SPAG16: variants seen among roughly 807,000 people sequenced by gnomAD.
SPAG16 encodes the protein sperm-associated antigen 16 protein.
Under a neutral mutation model 80.4 loss-of-function variants are expected in SPAG16, and 86 were observed. That is an observed-to-expected ratio of 1.07 (90% CI 0.90 to 1.28). SPAG16 has a LOEUF of 1.28. Ranked by LOEUF, SPAG16 falls within the 50% of genes most tolerant of loss-of-function variation. The pLI, the probability that SPAG16 is intolerant of heterozygous loss-of-function variation, is 0.00. For synonymous variants in SPAG16, 294 were observed against 265.9 expected (o/e 1.11, Z -1.03); for missense variants, 870 against 765.3 (o/e 1.14, Z -1.61).
intron 14 of SPAG16, among the ~76,000 whole-genome samples, chr2:214,117,613 A>G (rs2054001076): frequency 6.6e-6 from 1 of 152,214 alleles, no homozygotes. Flanking sequence ...TCAAGAAAAC[A>G]CTAGCAAACC....
At chr2:213,391,574 G>A (rs1363659963) in intron 9 of SPAG16, among the ~76,000 whole-genome samples, 2 of 152,036 alleles carry the variant, frequency 1.3e-5, no homozygotes, top group Middle Eastern at 3.2e-3. Context: ...AGGGTTTTTT[G>A]TTAGTATTCA....
chr2:213,468,457 ATATCTC>A (rs1262828716), intron 9 of SPAG16, among the ~76,000 whole-genome samples: 10 of 125,674 alleles, frequency 8.0e-5, no homozygotes, highest in African/African-American at 4.2e-4. Context: ...ATAGATATAT[ATATCTC>A]TATGTATTTA....
At chr2:213,706,643 C>T (rs1210344372) in intron 10 of SPAG16, among the ~76,000 whole-genome samples, 1 of 152,166 alleles carries the variant, frequency 6.6e-6, no homozygotes, top group Admixed American at 6.5e-5. Context: ...CACGGCACTC[C>T]CTATTTAAAA....
intron 10 of SPAG16, among the ~76,000 whole-genome samples, chr2:213,699,157 C>T (rs1409456447): frequency 6.6e-6 from 1 of 152,114 alleles, no homozygotes; most frequent in East Asian, 1.9e-4. Context: ...TTTTCTGCTT[C>T]ACCTTTCCTA....
At chr2:214,315,525 A>G (rs1695624966) in intron 15 of SPAG16, among the ~76,000 whole-genome samples, 1 of 150,044 alleles carries the variant, frequency 6.7e-6, no homozygotes, top group East Asian at 2.0e-4. Flanking sequence ...TTATTTATTT[A>G]TTTATTTATT....
intron 15 of SPAG16, among the ~76,000 whole-genome samples, chr2:214,234,901 C>T (rs1276282764): frequency 1.3e-5 from 2 of 152,036 alleles, no homozygotes; most frequent in Non-Finnish European, 2.9e-5. Context: ...TTTTTTATTT[C>T]TTAATTCCCT....
At chr2:214,363,492 T>G (rs2126074146) in intron 15 of SPAG16, among the ~76,000 whole-genome samples, 1 of 152,172 alleles carries the variant, frequency 6.6e-6, no homozygotes, top group African/African-American at 2.4e-5. Context: ...GGACCCACAT[T>G]TCCGTTTACC....
In SPAG16 at chr2:213,333,682, A is replaced by G. The variant is rs570125817; in HGVS notation, c.537-6481A>G. 9.9e-5 allele frequency among the ~76,000 whole-genome samples: 15 copies of G among 152,258 alleles called. No homozygotes were observed. In the South Asian group the frequency reaches 3.1e-3, roughly 32 times the overall value. ...ATAGACCAATGGAACAGAATAGAGA[A>G]CCAGAAACAAAACCACATACCTACA... On this transcript the variant is annotated intron_variant, in intron 5 of 15. Coordinates refer to ENST00000331683, the MANE Select transcript of SPAG16 (RefSeq NM_024532.5).
At chr2:213,385,318 C>T (rs4673742) in intron 9 of SPAG16, among the ~76,000 whole-genome samples, 148,366 of 152,262 alleles carry the variant, frequency 0.97, 72,396 homozygotes, top group East Asian at 1. Flanking sequence ...CCTAGCTTCA[C>T]ATAAATACCA....
chr2:214,100,955 T>G (rs562103573), intron 13 of SPAG16, among the ~76,000 whole-genome samples: 1 of 152,214 alleles, frequency 6.6e-6, no homozygotes, highest in African/African-American at 2.4e-5. Context: ...TCTTAAAATT[T>G]TTTCAAAAGA....
intron 9 of SPAG16, among the ~76,000 whole-genome samples, chr2:213,468,738 CCTA>C (rs1256361877): frequency 6.8e-6 from 1 of 147,870 alleles, no homozygotes; most frequent in Non-Finnish European, 1.5e-5. Context: ...ATATATATCT[CCTA>C]CATATATATC....
chr2:213,390,377 G>T (rs1447214429), intron 9 of SPAG16, among the ~76,000 whole-genome samples: 1 of 152,064 alleles, frequency 6.6e-6, no homozygotes, highest in Non-Finnish European at 1.5e-5. Flanking sequence ...TTGGTTTTAT[G>T]TTATGCCATT....
intron 10 of SPAG16, among the ~76,000 whole-genome samples, chr2:213,665,504 C>A (rs7602331): frequency 0.41 from 62,728 of 151,848 alleles, 13,872 homozygotes; most frequent in African/African-American, 0.56. Context: ...TTGCAAATTT[C>A]AAATTTCTAC....
At chr2:214,249,030 G>C (rs965066757) in intron 15 of SPAG16, among the ~76,000 whole-genome samples, 2 of 152,080 alleles carry the variant, frequency 1.3e-5, no homozygotes, top group African/African-American at 2.4e-5. Flanking sequence ...GGAAATGATA[G>C]GTAAGTATTT....
rs1175501175 is a variant in SPAG16 at position 213,352,671 on chromosome 2, T to C, written c.762+2026T>C. 3.9e-5 allele frequency among the ~76,000 whole-genome samples: 6 copies of C among 152,220 alleles called. No homozygotes were observed. The East Asian group carries it at 7.7e-4, about 20-fold the overall frequency. On this transcript the variant is annotated intron_variant, in intron 7 of 15. Coordinates refer to ENST00000331683, the MANE Select transcript of SPAG16 (RefSeq NM_024532.5). ...TTTTTACTCACTTATTAAATAGGGA[T>C]AAATTATTTGCCTTATGATTGATAT...
intron 9 of SPAG16, among the ~76,000 whole-genome samples, chr2:213,448,204 G>A (rs1429384506): frequency 6.6e-6 from 1 of 152,230 alleles, no homozygotes; most frequent in Non-Finnish European, 1.5e-5. Context: ...GCATGCAAAT[G>A]CAGTGCAATT....
chr2:213,806,779 G>A (rs1039455132), intron 10 of SPAG16, among the ~76,000 whole-genome samples: 7 of 152,124 alleles, frequency 4.6e-5, no homozygotes, highest in South Asian at 2.1e-4. Flanking sequence ...TGTTACAAAC[G>A]AAATACAATC....
At chr2:213,422,459 C>A in intron 9 of SPAG16, 1 of 581,846 alleles carries the variant, frequency 1.7e-6, no homozygotes, top group Non-Finnish European at 3.1e-6. Flanking sequence ...CACCTCTCTG[C>A]TCCTGGCTTG....
At chr2:213,978,232 A>G (rs574533515) in intron 12 of SPAG16, among the ~76,000 whole-genome samples, 8 of 152,154 alleles carry the variant, frequency 5.3e-5, no homozygotes, top group African/African-American at 1.9e-4. Context: ...AGTATATTCA[A>G]CATTTTTAAT....
Sources: gnomAD v4.1 joint callset for allele counts (sites outside exome capture counted in the v4.1 genomes callset) on GRCh38, gnomAD v4.1.1 for gene constraint, MANE v1.5 for transcripts, NCBI Gene and HGNC (gene_info 2026-07-23, HGNC 2026-07-21) for gene names.